TMEM170B: variants seen among roughly 807,000 people sequenced by gnomAD.
TMEM170B encodes transmembrane protein 170B.
TMEM170B carries 6 observed loss-of-function variants against 13.0 expected under a neutral mutation model. That is an observed-to-expected ratio of 0.46 (90% CI 0.25 to 0.91). The LOEUF (loss-of-function observed/expected upper bound fraction) is 0.91. Among genes scored for constraint, TMEM170B ranks in the 40% least tolerant of loss-of-function variants. The pLI, the probability that TMEM170B is intolerant of heterozygous loss-of-function variation, is 0.17. For missense variants in TMEM170B, 138 were observed against 165.2 expected (o/e 0.84, Z 0.90); for synonymous variants, 61 against 64.9 (o/e 0.94, Z 0.29).
chr6:11,558,699 C>G (rs567421552), intron 1 of TMEM170B, among the ~76,000 whole-genome samples: 2 of 152,306 alleles, frequency 1.3e-5, no homozygotes, highest in South Asian at 2.1e-4. Flanking sequence ...GTGGCGATGA[C>G]TCTTCTTGGG....
rs763816203 is a variant in TMEM170B at position 11,581,638 on chromosome 6, A to T, written c.*6077A>T. The T allele has an allele frequency of 6.6e-6, 1 of 152,200 alleles. No individual in the cohort carries two copies. Among genetic ancestry groups the T allele is most frequent in the Non-Finnish European group, 1.5e-5 (1 of 68,026 alleles). 9.4% of individuals were successfully genotyped at this position (152,200 alleles called of 1,614,324 possible). On this transcript the variant is annotated 3_prime_UTR_variant, in exon 3 of 3. Transcript: ENST00000379426. ...AACTGTAACACTTTTTCTCTTATAA[A>T]TTGGTAGTTCCTAAAAATCACCACT...
intron 1 of TMEM170B, 38 bp from the exon 2 acceptor site, chr6:11,565,628 G>A (rs758845759): frequency 5.0e-6 from 8 of 1,608,638 alleles, no homozygotes; most frequent in Non-Finnish European, 6.8e-6. Flanking sequence ...TCTAAGTTGT[G>A]TTTCAACAGA....
rs1331508211 is a variant in TMEM170B at position 11,538,523 on chromosome 6, G to C, written c.97+149G>C. The C allele has an allele frequency of 3.9e-5, 24 of 613,404 alleles. 1 individual carries two copies. The Middle Eastern group carries it at 1.2e-3, about 32-fold the overall frequency. 38.0% of individuals were successfully genotyped at this position (613,404 alleles called of 1,614,324 possible). A position where few individuals can be genotyped will look rare whatever the true frequency, so the allele number is the denominator to read the frequency against. On this transcript the variant is annotated intron_variant, in intron 1 of 2. Transcript: ENST00000379426. ...GTCCCGGCGAGGAAGGTGTTAATCGGAGCCACTCTGCGCGTGTCCCGGGGG... is the reference window on the plus strand; with the variant it reads ...GTCCCGGCGAGGAAGGTGTTAATCGCAGCCACTCTGCGCGTGTCCCGGGGG...
chr6:11,569,552 A>G (rs1225814454), intron 2 of TMEM170B, among the ~76,000 whole-genome samples: 1 of 152,220 alleles, frequency 6.6e-6, no homozygotes, highest in South Asian at 2.1e-4. Context: ...CAGTTCTGCC[A>G]AGGTAGTGCA....
chr6:11,559,192 C>T (rs564308), intron 1 of TMEM170B, among the ~76,000 whole-genome samples: 15 of 148,598 alleles, frequency 1.0e-4, no homozygotes, highest in Admixed American at 2.7e-4. Context: ...TTTTTCTTTT[C>T]TTTTCTTTTT....
intron 2 of TMEM170B, among the ~76,000 whole-genome samples, chr6:11,566,947 G>A (rs563247481): frequency 9.2e-5 from 14 of 152,280 alleles, no homozygotes; most frequent in African/African-American, 2.6e-4. Context: ...GCCCACTTAC[G>A]CATTTCCTGA....
chr6:11,538,291 G>C lies in TMEM170B; in HGVS notation c.14G>C (p.Gly5Ala), dbSNP rs768504585. 5 of 1,431,452 alleles carry C rather than the reference G, an allele frequency of 3.5e-6. No individual in the cohort carries two copies. Among genetic ancestry groups the C allele is most frequent in the East Asian group, 3.0e-5 (1 of 33,868 alleles). The allele number at this position is 1,431,452 out of a possible 1,614,324, so 88.7% of individuals were successfully genotyped here. A position where few individuals can be genotyped will look rare whatever the true frequency, so the allele number is the denominator to read the frequency against. MKAE[G>A]GDHSMINLSV... The stretch of plus-strand genomic sequence containing the variant: ...CCCTCGGGGAAGATGAAGGCGGAGG[G>C]GGGCGACCACTCCATGATCAACCTG... The change falls in exon 1 of 3, where the codon GGG (glycine) becomes GCG (alanine). Residue 5 changes from glycine to alanine, a missense_variant. Transcript: ENST00000379426.
intron 1 of TMEM170B, among the ~76,000 whole-genome samples, chr6:11,552,385 T>A (rs546290119): frequency 5.3e-4 from 81 of 152,346 alleles, no homozygotes; most frequent in Non-Finnish European, 1.0e-3. Flanking sequence ...GTATGCAGTA[T>A]TAGCCATAGA....
intron 1 of TMEM170B, 106 bp downstream of exon 1, chr6:11,538,480 C>T (rs943954128): frequency 3.5e-6 from 3 of 854,858 alleles, no homozygotes; most frequent in Non-Finnish European, 1.7e-6. Flanking sequence ...CCCGTGCGCG[C>T]CCCGCTCGGA....
chr6:11,571,885 G>A (rs948793230), intron 2 of TMEM170B, among the ~76,000 whole-genome samples: 1 of 152,090 alleles, frequency 6.6e-6, no homozygotes, highest in Non-Finnish European at 1.5e-5. Flanking sequence ...AAGGACTTAA[G>A]CATTTCATAG....
chr6:11,563,214 TA>T (rs1759693415), intron 1 of TMEM170B, among the ~76,000 whole-genome samples: 1 of 152,068 alleles, frequency 6.6e-6, no homozygotes, highest in South Asian at 2.1e-4. Flanking sequence ...CGGGCACCTG[TA>T]ATCCCAGCTA....
chr6:11,541,990 C>G (rs1759367118), intron 1 of TMEM170B, among the ~76,000 whole-genome samples: 2 of 146,472 alleles, frequency 1.4e-5, no homozygotes, highest in South Asian at 4.3e-4. Flanking sequence ...TATCACAGAT[C>G]ACTATAATAA....
At chr6:11,538,439 C>A in intron 1 of TMEM170B, 65 bp downstream of exon 1, 1 of 1,222,830 alleles carries the variant, frequency 8.2e-7, no homozygotes, top group Non-Finnish European at 1.1e-6. Context: ...TCTCCTTCCT[C>A]GGGAGGGGAC....
At chr6:11,558,281 A>G (rs1258482919) in intron 1 of TMEM170B, among the ~76,000 whole-genome samples, 1 of 152,162 alleles carries the variant, frequency 6.6e-6, no homozygotes, top group Non-Finnish European at 1.5e-5. Flanking sequence ...TTCTTCACCA[A>G]AAATTACTCT....
At chr6:11,546,450 T>C (rs1759442357) in intron 1 of TMEM170B, among the ~76,000 whole-genome samples, 2 of 152,268 alleles carry the variant, frequency 1.3e-5, no homozygotes, top group South Asian at 4.1e-4. Context: ...TAAAAATAAA[T>C]TTAGTGTAGC....
At chr6:11,545,719 A>T (rs1759429419) in intron 1 of TMEM170B, among the ~76,000 whole-genome samples, 1 of 151,344 alleles carries the variant, frequency 6.6e-6, no homozygotes, top group Non-Finnish European at 1.5e-5. Flanking sequence ...ATTATTTTAG[A>T]ATGTACCCCT....
chr6:11,545,496 G>A (rs1759425027), intron 1 of TMEM170B, among the ~76,000 whole-genome samples: 1 of 151,954 alleles, frequency 6.6e-6, no homozygotes, highest in Admixed American at 6.6e-5. Context: ...GATTATAATG[G>A]AGCTAAAAAA....
chr6:11,557,240 A>T (rs945205255), intron 1 of TMEM170B, among the ~76,000 whole-genome samples: 3 of 152,238 alleles, frequency 2.0e-5, no homozygotes, highest in Admixed American at 2.0e-4. Context: ...GTATAATTTT[A>T]TCTTTTTCTC....
In TMEM170B at chr6:11,575,947, A is replaced by T. The variant is rs1759868880; in HGVS notation, c.*386A>T. 1 of 160,062 alleles carries T rather than the reference A, an allele frequency of 6.2e-6. No individual in the cohort carries two copies. Among genetic ancestry groups the T allele is most frequent in the Non-Finnish European group, 1.4e-5 (1 of 72,572 alleles). 9.9% of individuals were successfully genotyped at this position (160,062 alleles called of 1,614,324 possible). A position where few individuals can be genotyped will look rare whatever the true frequency, so the allele number is the denominator to read the frequency against. On this transcript the variant is annotated 3_prime_UTR_variant, in exon 3 of 3. Transcript: ENST00000379426. The surrounding 1 kb of genome is among the most constrained non-coding windows in gnomAD (Gnocchi z 4.1). Reference sequence around the variant, plus strand: ...TCTTTTCTTTTTGTTAACATTGATCATGTGACAATTTGCAAGTGTAGATGT... The same window carrying T: ...TCTTTTCTTTTTGTTAACATTGATCTTGTGACAATTTGCAAGTGTAGATGT...
Sources: gnomAD v4.1 joint callset for allele counts (sites outside exome capture counted in the v4.1 genomes callset) on GRCh38, gnomAD v4.1.1 for gene constraint, Gnocchi (gnomAD v3.1) non-coding constraint, MANE v1.5 for transcripts, NCBI Gene and HGNC (gene_info 2026-07-23, HGNC 2026-07-21) for gene names.